The following TRANK1 variants were observed in gnomAD, a reference collection of about 807,000 sequenced individuals.
The protein encoded by TRANK1 is tetratricopeptide repeat and ankyrin repeat containing 1.
A neutral mutation model predicts 266.0 loss-of-function variants in TRANK1; 198 were observed. That is an observed-to-expected ratio of 0.74 (90% CI 0.66 to 0.84). The LOEUF (loss-of-function observed/expected upper bound fraction) is 0.84, where lower values mean the gene tolerates loss of function less well. Among genes scored for constraint, TRANK1 ranks in the 40% least tolerant of loss-of-function variants. The pLI is 0.00. For missense variants in TRANK1, 3,326 were observed against 3,634.6 expected, an observed-to-expected ratio of 0.92 and a Z score of 2.18; for synonymous variants, 1,396 against 1,384.1, an observed-to-expected ratio of 1.01 and a Z score of -0.19.
intron 1 of TRANK1, among the ~76,000 whole-genome samples, chr3:36,913,065 G>T (rs2080075312): frequency 1.1e-5 from 1 of 87,776 alleles, no homozygotes; most frequent in South Asian, 3.5e-4. Context: ...TGTGTGTGAT[G>T]GAGTCTCACT....
intron 11 of TRANK1, among the ~76,000 whole-genome samples, chr3:36,860,469 T>C (rs1403165234): frequency 6.6e-6 from 1 of 152,188 alleles, no homozygotes; most frequent in African/African-American, 2.4e-5. Flanking sequence ...GACCGTTTCT[T>C]TAAAAACAAG....
rs568610129 is a variant in TRANK1, at chr3:36,855,831, C to A, written c.3891G>T (p.Val1297=). The part of the protein sequence containing the change: ...SWQEDEEEAE[V]DGDYSEEDKA... ...TATCCTCCTCACTGTAGTCCCCATCCACCTCAGCCTCCTCTTCATCCTCTT... is the reference window on the plus strand; with the variant it reads ...TATCCTCCTCACTGTAGTCCCCATCAACCTCAGCCTCCTCTTCATCCTCTT... Residue 1297 remains valine (V), a synonymous_variant, in exon 13 of 24, where the codon GTG becomes GTT. Transcript: ENST00000645898. 35 of 1,613,696 alleles carry A rather than the reference C, an allele frequency of 2.2e-5. No homozygotes were observed. Among genetic ancestry groups the A allele is most frequent in the Admixed American group, 2.2e-4 (13 of 59,982 alleles).
At chr3:36,838,883 T>C (rs1359952113) in intron 18 of TRANK1, among the ~76,000 whole-genome samples, 167 bp from the exon 19 acceptor site, 1 of 152,222 alleles carries the variant, frequency 6.6e-6, no homozygotes, top group East Asian at 1.9e-4. Context: ...GAAAGTAGTC[T>C]TGGAGGATAA....
chr3:36,918,565 AGGAAGGAAGGAAGGAAG>A (rs2080166486), intron 1 of TRANK1, among the ~76,000 whole-genome samples: 1 of 26,026 alleles, frequency 3.8e-5, no homozygotes, highest in African/African-American at 1.4e-4. Flanking sequence ...GAAGGAAGGT[AGGAAGGAAGGAAGGAAG>A]GAAGGAAGGA....
At chr3:36,907,719 CT>C (rs1314723341) in intron 2 of TRANK1, among the ~76,000 whole-genome samples, 1 of 152,120 alleles carries the variant, frequency 6.6e-6, no homozygotes, top group East Asian at 1.9e-4. Context: ...CCACCTCGGC[CT>C]CCCAAAGTGC....
At chr3:36,886,129 GTTTTTT>G (rs10563870) in intron 8 of TRANK1, among the ~76,000 whole-genome samples, 1,137 of 100,958 alleles carry the variant, frequency 0.011, 16 homozygotes, top group African/African-American at 0.04. Flanking sequence ...TGTTGTTGTT[GTTTTTT>G]TTTTTTTTTT....
intron 8 of TRANK1, among the ~76,000 whole-genome samples, chr3:36,878,266 T>C (rs1337255560): frequency 1.3e-5 from 2 of 152,092 alleles, no homozygotes; most frequent in Non-Finnish European, 2.9e-5. Context: ...GTGGAACAGT[T>C]TCAGCCCAAA....
chr3:36,854,358 T>C (rs1187270980), intron 13 of TRANK1, among the ~76,000 whole-genome samples: 1 of 132,120 alleles, frequency 7.6e-6, no homozygotes, highest in African/African-American at 2.9e-5. Flanking sequence ...AGACTCTATC[T>C]GAAAAAAACA....
chr3:36,849,035 T>C (rs1239994182), intron 15 of TRANK1, among the ~76,000 whole-genome samples: 1 of 152,156 alleles, frequency 6.6e-6, no homozygotes, highest in Non-Finnish European at 1.5e-5. Flanking sequence ...GTAGCAAGGA[T>C]ACAGGCCTAC....
intron 1 of TRANK1, among the ~76,000 whole-genome samples, chr3:36,914,495 A>G (rs1164038855): frequency 6.7e-6 from 1 of 148,430 alleles, no homozygotes; most frequent in Non-Finnish European, 1.5e-5. Context: ...TACAATTTAC[A>G]TATGATAAAA....
chr3:36,934,279 A>G (rs1174613526), intron 1 of TRANK1, among the ~76,000 whole-genome samples: 2 of 152,172 alleles, frequency 1.3e-5, no homozygotes, highest in Non-Finnish European at 2.9e-5. Flanking sequence ...GAAGAAGCCA[A>G]TTTCTGGGGT....
At position 36,944,815 on chromosome 3, in the gene TRANK1, C is replaced by T; in HGVS notation, c.-6G>A. The stretch of plus-strand genomic sequence containing the variant: ...GCTGCCCGCGGGTCCCACATGGCTG[C>T]GGCCGGAGGGTCCGCACCAGGACCG... On this transcript the variant is annotated 5_prime_UTR_variant, in exon 1 of 24. Coordinates refer to ENST00000645898, the MANE Select transcript of TRANK1 (RefSeq NM_001329998.2). 2 of 1,488,872 alleles carry T rather than the reference C, an allele frequency of 1.3e-6. No homozygotes were observed. The highest frequency in any genetic ancestry group is 1.3e-5 in the South Asian group (1 of 79,660). 92.2% of individuals were successfully genotyped at this position (1,488,872 alleles called of 1,614,324 possible). A position where few individuals can be genotyped will look rare whatever the true frequency, so the allele number is the denominator to read the frequency against.
chr3:36,845,124 C>T (rs1007864494), intron 17 of TRANK1, among the ~76,000 whole-genome samples: 1 of 152,094 alleles, frequency 6.6e-6, no homozygotes. Flanking sequence ...CATATCTACT[C>T]GACAACCCCA....
At position 36,833,740 on chromosome 3, in the gene TRANK1, C is replaced by T. The variant is rs191082794; in HGVS notation, c.5843G>A (p.Arg1948His). 9.9e-6 allele frequency: 16 copies of T among 1,613,988 alleles called. No individual in the cohort carries two copies. Among genetic ancestry groups the T allele is most frequent in the East Asian group, 6.7e-5 (3 of 44,884 alleles). Reference sequence around the variant, plus strand: ...CAGCAGGTCTGCAGCTTCTGCTAAGCGTTTCCGAGACTTCAAGAACACCAG... The same window carrying T: ...CAGCAGGTCTGCAGCTTCTGCTAAGTGTTTCCGAGACTTCAAGAACACCAG... ...DQLVFLKSRK[R>H]LAEAADLLNR... The change falls in exon 22 of 24, where the codon CGC becomes CAC. Residue 1948 changes from arginine to histidine, a missense_variant. Coordinates refer to ENST00000645898, the MANE Select transcript of TRANK1 (RefSeq NM_001329998.2).
chr3:36,830,421 C>A (rs1213681026), intron 22 of TRANK1, among the ~76,000 whole-genome samples: 1 of 152,072 alleles, frequency 6.6e-6, no homozygotes, highest in Non-Finnish European at 1.5e-5. Flanking sequence ...AAGGAAGAGA[C>A]CAGCTAGACC....
chr3:36,866,088 GA>G (rs2079219870), intron 9 of TRANK1, among the ~76,000 whole-genome samples: 1 of 151,144 alleles, frequency 6.6e-6, no homozygotes, highest in Non-Finnish European at 1.5e-5. Flanking sequence ...AAGAAAGAAA[GA>G]AAGAAAGAAA....
intron 1 of TRANK1, 167 bp from the exon 2 acceptor site, chr3:36,908,621 T>A: frequency 8.1e-7 from 1 of 1,229,066 alleles, no homozygotes. Context: ...CCAGGCAGAG[T>A]GTCTGACAAG....
At chr3:36,907,454 TA>T (rs1270747120) in intron 2 of TRANK1, among the ~76,000 whole-genome samples, 2 of 148,912 alleles carry the variant, frequency 1.3e-5, no homozygotes, top group Non-Finnish European at 3.0e-5. Context: ...CCAGCAAATT[TA>T]TTGATTTTTT....
At chr3:36,834,093 T>C (rs2078735572) in intron 21 of TRANK1, among the ~76,000 whole-genome samples, 174 bp from the exon 22 acceptor site, 1 of 152,242 alleles carries the variant, frequency 6.6e-6, no homozygotes, top group South Asian at 2.1e-4. Flanking sequence ...TTTTACACTG[T>C]TACCAGTATA....
Sources: gnomAD v4.1 joint callset for allele counts (sites outside exome capture counted in the v4.1 genomes callset) on GRCh38, gnomAD v4.1.1 for gene constraint, MANE v1.5 for transcripts, NCBI Gene and HGNC (gene_info 2026-07-23, HGNC 2026-07-21) for gene names.